ASCC3: variants seen among roughly 807,000 people sequenced by gnomAD.
ASCC3 encodes ASC-1 complex subunit P200.
A neutral mutation model predicts 256.3 loss-of-function variants in ASCC3; 158 were observed. The observed-to-expected ratio is 0.62, with a 90% confidence interval of 0.54 to 0.70. The LOEUF is 0.70. ASCC3 is among the 30% of genes least tolerant of loss of function. The pLI is 0.00. For missense variants in ASCC3, 2,259 were observed against 2,626.0 expected, an observed-to-expected ratio of 0.86 and a Z score of 3.05; for synonymous variants, 948 against 883.4, an observed-to-expected ratio of 1.07 and a Z score of -1.30.
At chr6:100,631,302 T>C in intron 25 of ASCC3, 89 bp from the exon 26 acceptor site, 2 of 975,278 alleles carry the variant, frequency 2.1e-6, no homozygotes, top group Non-Finnish European at 1.6e-6. Flanking sequence ...TTTGTCAAAA[T>C]ATGACAGTGT....
intron 37 of ASCC3, among the ~76,000 whole-genome samples, chr6:100,523,506 G>GA (rs1774408338): frequency 6.6e-6 from 1 of 152,142 alleles, no homozygotes; most frequent in East Asian, 1.9e-4. Context: ...AGAACTCATA[G>GA]AAAAGAGGGG....
intron 1 of ASCC3, among the ~76,000 whole-genome samples, chr6:100,868,531 G>A (rs1457710541): frequency 2.0e-5 from 3 of 152,234 alleles, no homozygotes; most frequent in African/African-American, 2.4e-5. Flanking sequence ...TAAAACAGGC[G>A]ACCCAGTCGC....
In ASCC3 at chr6:100,537,911, A is replaced by G. The variant is rs186858893; in HGVS notation, c.5775+2252T>C. 1.2e-3 allele frequency among the ~76,000 whole-genome samples: 175 copies of G among 150,232 alleles called. 1 individual carries two copies. Among genetic ancestry groups the G allele is most frequent in the Middle Eastern group, 7.2e-3 (2 of 278 alleles). On this transcript the variant is annotated intron_variant, in intron 37 of 41. Transcript: ENST00000369162. The stretch of plus-strand genomic sequence containing the variant: ...ATATATAGATATATATACTGTATAA[A>G]TATATATACTGTATATAAAAATATC...
chr6:100,655,535 C>A (rs564148716), intron 17 of ASCC3, among the ~76,000 whole-genome samples, 164 bp downstream of exon 17: 1 of 151,804 alleles, frequency 6.6e-6, no homozygotes, highest in Admixed American at 6.6e-5. Flanking sequence ...TGCCTAATAA[C>A]TACAGGGGCC....
chr6:100,831,270 A>C (rs1771604440), intron 4 of ASCC3, among the ~76,000 whole-genome samples: 1 of 151,954 alleles, frequency 6.6e-6, no homozygotes, highest in Admixed American at 6.6e-5. Flanking sequence ...TGGTATTATC[A>C]ATTAAAATGA....
chr6:100,750,031 C>T (rs921010698), intron 10 of ASCC3, among the ~76,000 whole-genome samples: 18 of 151,806 alleles, frequency 1.2e-4, no homozygotes, highest in Non-Finnish European at 2.5e-4. Flanking sequence ...AGCAAATTTG[C>T]GGTTCTATTG....
At chr6:100,586,733 C>A (rs1771710541) in intron 36 of ASCC3, among the ~76,000 whole-genome samples, 1 of 152,048 alleles carries the variant, frequency 6.6e-6, no homozygotes, top group South Asian at 2.1e-4. Flanking sequence ...TTGGCTCCTC[C>A]CCCTACATCA....
chr6:100,539,740 G>A (rs1041785912), intron 37 of ASCC3, among the ~76,000 whole-genome samples: 4 of 151,582 alleles, frequency 2.6e-5, no homozygotes, highest in African/African-American at 7.3e-5. Context: ...ATTACCCTCC[G>A]TCTTTCTCTT....
At chr6:100,633,703 T>TA (rs200692957) in intron 25 of ASCC3, among the ~76,000 whole-genome samples, 19,367 of 141,706 alleles carry the variant, frequency 0.14, 1,772 homozygotes, top group East Asian at 0.45. Flanking sequence ...CCGTCACTAC[T>TA]AAAAAAAAAA....
Position 100,646,630 on chromosome 6 carries a change from G to A in ASCC3, c.3618C>T (p.Phe1206=), listed in dbSNP as rs1412197780. The change falls in exon 22 of 42, where the codon TTC becomes TTT. Residue 1206 remains phenylalanine, a synonymous_variant. Transcript: ENST00000369162. ...LRVTLSIYAD[F]TWNDQVHGTV... ...CCACTTCTACCTGATCATTCCAAGT[G>A]AAATCAGCATAGATGCTGAGTGTCA... The A allele has an allele frequency of 1.2e-6, 2 of 1,614,062 alleles. No homozygotes were observed. The highest frequency in any genetic ancestry group is 8.5e-7 in the Non-Finnish European group (1 of 1,179,966).
chr6:100,771,763 A>T (rs1057265238), intron 8 of ASCC3, among the ~76,000 whole-genome samples: 7 of 130,586 alleles, frequency 5.4e-5, no homozygotes, highest in African/African-American at 1.8e-4. Context: ...TAATAATTTA[A>T]TTTTTTTAAT....
chr6:100,815,492 A>G (rs1039537416), intron 4 of ASCC3, among the ~76,000 whole-genome samples: 1 of 152,004 alleles, frequency 6.6e-6, no homozygotes, highest in Non-Finnish European at 1.5e-5. Context: ...AAAGCTGAAG[A>G]TATCATGTTA....
chr6:100,776,082 T>C (rs548938642), intron 8 of ASCC3, among the ~76,000 whole-genome samples: 1 of 152,214 alleles, frequency 6.6e-6, no homozygotes, highest in African/African-American at 2.4e-5. Context: ...ATGCTAATAA[T>C]ATTTATTGTT....
chr6:100,708,144 C>T (rs892898986), intron 13 of ASCC3, among the ~76,000 whole-genome samples: 1 of 152,100 alleles, frequency 6.6e-6, no homozygotes, highest in Non-Finnish European at 1.5e-5. Flanking sequence ...AAGTTTTCAC[C>T]TTCCTTGATT....
chr6:100,661,400 A>T (rs1419669700), intron 16 of ASCC3, among the ~76,000 whole-genome samples: 1 of 151,066 alleles, frequency 6.6e-6, no homozygotes, highest in Non-Finnish European at 1.5e-5. Context: ...ATTGTGTATA[A>T]CAAAGTTAAT....
chr6:100,690,993 T>C (rs889509013), intron 13 of ASCC3, among the ~76,000 whole-genome samples: 4 of 152,144 alleles, frequency 2.6e-5, no homozygotes, highest in Non-Finnish European at 4.4e-5. Flanking sequence ...GCTTGTATGT[T>C]TGAGTTGAGG....
At chr6:100,861,356 G>A (rs970950078) in intron 3 of ASCC3, among the ~76,000 whole-genome samples, 6 of 152,004 alleles carry the variant, frequency 3.9e-5, no homozygotes, top group Admixed American at 3.3e-4. Context: ...TAAACAATAC[G>A]CATAGCCTTA....
intron 38 of ASCC3, among the ~76,000 whole-genome samples, chr6:100,516,696 T>A (rs1252888793): frequency 3.3e-5 from 5 of 152,162 alleles, no homozygotes; most frequent in Non-Finnish European, 4.4e-5. Context: ...TATAATTACT[T>A]AAATAAAGTT....
chr6:100,813,329 A>T lies in ASCC3; in HGVS notation c.802-7449T>A, dbSNP rs146806687. 1.5e-3 allele frequency among the ~76,000 whole-genome samples: 235 copies of T among 152,086 alleles called. 1 individual carries two copies. The highest frequency in any genetic ancestry group is 2.6e-3 in the Non-Finnish European group (176 of 67,970). ...AAAATTTAGCTGGGCTTGGTGGCGC[A>T]TGCTTATAATCCACCACATGGGAGG... is the stretch of plus-strand genomic sequence containing the variant. On this transcript the variant is annotated intron_variant, in intron 4 of 41. Coordinates refer to ENST00000369162, the MANE Select transcript of ASCC3 (RefSeq NM_006828.4).
Sources: gnomAD v4.1 joint callset for allele counts (sites outside exome capture counted in the v4.1 genomes callset) on GRCh38, gnomAD v4.1.1 for gene constraint, MANE v1.5 for transcripts, NCBI Gene and HGNC (gene_info 2026-07-23, HGNC 2026-07-21) for gene names.